FBXL2: variants seen among roughly 807,000 people sequenced by gnomAD.
FBXL2 encodes the protein F-box and leucine rich repeat protein 2.
A neutral mutation model predicts 69.2 loss-of-function variants in FBXL2; 38 were observed. That is an observed-to-expected ratio of 0.55 (90% CI 0.42 to 0.72). The LOEUF (loss-of-function observed/expected upper bound fraction) is 0.72. Ranked by LOEUF, FBXL2 falls within the 30% of genes least tolerant of loss-of-function variation. The pLI, the probability that FBXL2 is intolerant of heterozygous loss-of-function variation, is 0.00. For missense variants in FBXL2, 354 were observed against 520.3 expected, an observed-to-expected ratio of 0.68 and a Z score of 3.11; for synonymous variants, 192 against 201.3, an observed-to-expected ratio of 0.95 and a Z score of 0.39.
chr3:33,389,663 C>G (rs1286863609), downstream of FBXL2: 1 of 152,342 alleles, frequency 6.6e-6, no homozygotes, highest in Non-Finnish European at 1.5e-5. Context: ...AGTCTTTGTA[C>G]CTATTAGGAT....
intron 12 of FBXL2, among the ~76,000 whole-genome samples, chr3:33,399,644 T>C (rs2044146226): frequency 6.6e-6 from 1 of 152,062 alleles, no homozygotes; most frequent in African/African-American, 2.4e-5. Flanking sequence ...GGACTAGGGA[T>C]GGTGGGGGAA....
chr3:33,400,915 T>G, intron 12 of FBXL2: 2 of 1,563,450 alleles, frequency 1.3e-6, no homozygotes, highest in Non-Finnish European at 1.7e-6. Context: ...AACTTTAAAA[T>G]GTAGAACCCT....
At chr3:33,390,899 C>T (rs933875447), downstream of FBXL2, 3 of 150,746 alleles carry the variant, frequency 2.0e-5, no homozygotes, top group Non-Finnish European at 2.9e-5. Context: ...TTTCTCATGA[C>T]GACAAAGTTT....
At chr3:33,371,094 C>A (rs1042445410) in intron 5 of FBXL2, among the ~76,000 whole-genome samples, 21 of 150,840 alleles carry the variant, frequency 1.4e-4, no homozygotes, top group South Asian at 6.2e-4. Context: ...GTTCACTAAT[C>A]TTTTCTTCTG....
chr3:33,298,290 T>C (rs2035926474), intron 2 of FBXL2, among the ~76,000 whole-genome samples: 1 of 152,240 alleles, frequency 6.6e-6, no homozygotes, highest in African/African-American at 2.4e-5. Context: ...ATTTTGGTTG[T>C]TGTTTTTACT....
At chr3:33,367,476 T>G (rs1233029563) in intron 5 of FBXL2, among the ~76,000 whole-genome samples, 1 of 152,236 alleles carries the variant, frequency 6.6e-6, no homozygotes, top group Non-Finnish European at 1.5e-5. Context: ...CAATTTCACC[T>G]AAGTTCCTGG....
At chr3:33,338,755 T>C (rs2039781725) in intron 2 of FBXL2, among the ~76,000 whole-genome samples, 1 of 152,092 alleles carries the variant, frequency 6.6e-6, no homozygotes, top group Admixed American at 6.6e-5. Context: ...ATCCTTCCTT[T>C]TACTATATAC....
chr3:33,329,046 A>G (rs886172457), intron 2 of FBXL2, among the ~76,000 whole-genome samples: 4 of 152,088 alleles, frequency 2.6e-5, no homozygotes, highest in Non-Finnish European at 5.9e-5. Flanking sequence ...AAACAAACAA[A>G]ACAAAACAAA....
intron 4 of FBXL2, among the ~76,000 whole-genome samples, chr3:33,361,207 G>A (rs955044847): frequency 6.7e-6 from 1 of 150,048 alleles, no homozygotes; most frequent in African/African-American, 2.5e-5. Flanking sequence ...GGCCTCCCAT[G>A]AACTTTTAAA....
intron 2 of FBXL2, among the ~76,000 whole-genome samples, chr3:33,349,380 A>G (rs1046370280): frequency 6.6e-6 from 1 of 152,118 alleles, no homozygotes; most frequent in Non-Finnish European, 1.5e-5. Flanking sequence ...TTTGTCCTTC[A>G]TTCTGTTGAT....
intron 2 of FBXL2, among the ~76,000 whole-genome samples, chr3:33,342,756 C>T (rs571929265): frequency 4.5e-4 from 43 of 95,446 alleles, no homozygotes; most frequent in Admixed American, 5.3e-4. Flanking sequence ...GACAGAGTCT[C>T]GCTCTGTCAC....
chr3:33,325,362 C>T (rs2038607845), intron 2 of FBXL2, among the ~76,000 whole-genome samples: 1 of 152,176 alleles, frequency 6.6e-6, no homozygotes, highest in Non-Finnish European at 1.5e-5. Context: ...GCATCCTTGT[C>T]TTGTGCTGGT....
chr3:33,305,123 G>C (rs2036602641), intron 2 of FBXL2, among the ~76,000 whole-genome samples: 1 of 151,620 alleles, frequency 6.6e-6, no homozygotes, highest in Admixed American at 6.6e-5. Flanking sequence ...AATACCTTTT[G>C]TGAAGTCAAA....
chr3:33,400,199 A>G, intron 12 of FBXL2: 1 of 1,588,638 alleles, frequency 6.3e-7, no homozygotes, highest in East Asian at 2.3e-5. Context: ...CTGAAAAATT[A>G]GAGAACAGTC....
intron 2 of FBXL2, among the ~76,000 whole-genome samples, chr3:33,308,781 G>A (rs2036933658): frequency 6.6e-6 from 1 of 151,910 alleles, no homozygotes. Context: ...TTAAAGTTTT[G>A]GTATGTTGTG....
chr3:33,397,445 T>G (rs186322715), intron 12 of FBXL2: 75 of 186,044 alleles, frequency 4.0e-4, no homozygotes, highest in Middle Eastern at 2.0e-3. Context: ...ATTTAGTGAC[T>G]GGGTTGTGGC....
chr3:33,336,990 A>G (rs2039637287), intron 2 of FBXL2, among the ~76,000 whole-genome samples: 1 of 152,064 alleles, frequency 6.6e-6, no homozygotes, highest in African/African-American at 2.4e-5. Context: ...GGATTGCCTG[A>G]GCTCAGGAGT....
rs376903928 is a variant in FBXL2, at chr3:33,373,905, A to G, written c.641A>G (p.Asn214Ser). ...TACTGCCATGAGCTTGTGAGCCTCA[A>G]CTTGCAGTCCTGCTCAGTAAGTAGC... Reference protein sequence around the residue: ...QNYCHELVSLNLQSCSRITDE... With the variant: ...QNYCHELVSLSLQSCSRITDE... Residue 214 changes from asparagine (N) to serine (S), a missense_variant, in exon 9 of 15, where the codon AAC (asparagine) becomes AGC (serine). Asn to Ser is a conservative substitution (Grantham distance 46, BLOSUM62 1). Transcript: ENST00000484457. The G allele has an allele frequency of 2.5e-6, 4 of 1,614,230 alleles. No homozygotes were observed. The highest frequency in any genetic ancestry group is 1.3e-5 in the African/African-American group (1 of 75,058).
intron 1 of FBXL2, among the ~76,000 whole-genome samples, chr3:33,292,714 A>G (rs1279005378): frequency 6.6e-6 from 1 of 152,114 alleles, no homozygotes; most frequent in Non-Finnish European, 1.5e-5. Context: ...ACTAAAATGT[A>G]GACACTGGCA....
Sources: gnomAD v4.1 joint callset for allele counts (sites outside exome capture counted in the v4.1 genomes callset) on GRCh38, gnomAD v4.1.1 for gene constraint, MANE v1.5 for transcripts, NCBI Gene and HGNC (gene_info 2026-07-23, HGNC 2026-07-21) for gene names.